Variants in EDN1 observed in about 807,000 individuals in gnomAD.
EDN1 encodes endothelin-1.
EDN1 carries 11 observed loss-of-function variants against 21.7 expected under a neutral mutation model. The ratio of observed to expected loss-of-function variants is 0.51; its 90% confidence interval spans 0.32 to 0.84. The LOEUF is 0.84. Ranked by LOEUF, EDN1 falls within the 40% of genes least tolerant of loss-of-function variation. The pLI, the probability that EDN1 is intolerant of heterozygous loss-of-function variation, is 0.03. For synonymous variants in EDN1, 85 were observed against 90.6 expected (o/e 0.94, Z 0.35); for missense variants, 244 against 262.3 (o/e 0.93, Z 0.48).
the EDN1 span, among the ~76,000 whole-genome samples, chr6:12,230,558 C>T: frequency 6.6e-6 from 1 of 152,016 alleles, no homozygotes; most frequent in East Asian, 1.9e-4. Flanking sequence ...AGTGAAACCA[C>T]CAACAAAAAG....
the EDN1 span, among the ~76,000 whole-genome samples, chr6:12,253,926 C>T: frequency 1.3e-5 from 2 of 152,100 alleles, no homozygotes; most frequent in Non-Finnish European, 2.9e-5. Context: ...CATCTCCTTC[C>T]CTTTGTGCTT....
the EDN1 span, among the ~76,000 whole-genome samples, chr6:12,243,310 G>A: frequency 1.3e-5 from 2 of 148,688 alleles, no homozygotes; most frequent in South Asian, 2.2e-4. Flanking sequence ...GAGGAGAGGA[G>A]GAGGAGGAGG....
the EDN1 span, among the ~76,000 whole-genome samples, chr6:12,277,184 C>A: frequency 1.3e-5 from 2 of 152,204 alleles, no homozygotes; most frequent in South Asian, 2.1e-4. Context: ...GGCTGGAAAC[C>A]AAGCATGAGG....
chr6:12,230,648 G>T, the EDN1 span, among the ~76,000 whole-genome samples: 1,165 of 152,250 alleles, frequency 7.7e-3, 16 homozygotes, highest in African/African-American at 0.027. Flanking sequence ...AAACGAGAAG[G>T]CCTAGTGTCA....
chr6:12,294,532 A>G, intron 4 of EDN1, 128 bp downstream of exon 4: 1 of 1,070,790 alleles, frequency 9.3e-7, no homozygotes, highest in Non-Finnish European at 1.4e-6. Flanking sequence ...AAACAGTAGC[A>G]GAGGAGATCT....
the EDN1 span, among the ~76,000 whole-genome samples, chr6:12,232,751 G>A: frequency 1.3e-5 from 2 of 152,142 alleles, no homozygotes; most frequent in Admixed American, 6.5e-5. Flanking sequence ...ATGAATTAGT[G>A]GTATAGTTTA....
the EDN1 span, among the ~76,000 whole-genome samples, chr6:12,276,484 G>A: frequency 8.5e-5 from 13 of 152,218 alleles, no homozygotes; most frequent in Admixed American, 8.5e-4. Context: ...CAATCTGAAA[G>A]GTGAGGCAGG....
At chr6:12,274,825 C>A in the EDN1 span, among the ~76,000 whole-genome samples, 1 of 152,200 alleles carries the variant, frequency 6.6e-6, no homozygotes, top group Non-Finnish European at 1.5e-5. Context: ...AGCCTTCTAA[C>A]TTCACTCTCA....
the EDN1 span, among the ~76,000 whole-genome samples, chr6:12,273,072 T>C: frequency 6.6e-6 from 1 of 152,154 alleles, no homozygotes; most frequent in Non-Finnish European, 1.5e-5. Flanking sequence ...GTGACGACTC[T>C]ACAGACTTGC....
chr6:12,292,518 C>G lies in EDN1; in HGVS notation c.233+9C>G, dbSNP rs775605721. 5.0e-6 allele frequency: 8 copies of G among 1,614,190 alleles called. No individual in the cohort carries two copies. The South Asian group carries it at 5.5e-5, about 11-fold the overall frequency. ...TGGGTCAACACTCCCGAGTAAGTCTCTAGAGGGCATTGTAACCCTAGTCAT... is the reference window on the plus strand; with the variant it reads ...TGGGTCAACACTCCCGAGTAAGTCTGTAGAGGGCATTGTAACCCTAGTCAT... On this transcript the variant is annotated intron_variant, in intron 2 of 4. Coordinates refer to ENST00000379375, the MANE Select transcript of EDN1 (RefSeq NM_001955.5).
chr6:12,261,287 T>G, the EDN1 span, among the ~76,000 whole-genome samples: 1 of 152,182 alleles, frequency 6.6e-6, no homozygotes, highest in East Asian at 1.9e-4. Flanking sequence ...ACCATGTGAT[T>G]CAAGCAAGTC....
the EDN1 span, among the ~76,000 whole-genome samples, chr6:12,261,846 G>A: frequency 2.0e-5 from 3 of 152,214 alleles, no homozygotes; most frequent in Non-Finnish European, 4.4e-5. Context: ...GTCAAAAGGG[G>A]AAGGATGTGT....
In EDN1 at chr6:12,295,949, CT is replaced by C; in HGVS notation, c.534-11del. On this transcript the variant is annotated splice_polypyrimidine_tract_variant and intron_variant, in intron 4 of 4. Coordinates refer to ENST00000379375, the MANE Select transcript of EDN1 (RefSeq NM_001955.5). ...TAAAATAACATTTGTTTTCTCTTAT[CT>C]TGCTTTATTAGGTCGGAGACCATGA... 6.2e-7 allele frequency: 1 copy of C among 1,612,368 alleles called. No homozygotes were observed. The highest frequency in any genetic ancestry group is 8.5e-7 in the Non-Finnish European group (1 of 1,178,598).
chr6:12,245,945 A>C, the EDN1 span, among the ~76,000 whole-genome samples: 7 of 152,220 alleles, frequency 4.6e-5, no homozygotes, highest in African/African-American at 1.7e-4. Context: ...AGGTAACAGA[A>C]TCTCCTCTGT....
At chr6:12,291,943 T>A (rs1762692341) in intron 1 of EDN1, among the ~76,000 whole-genome samples, 1 of 152,224 alleles carries the variant, frequency 6.6e-6, no homozygotes, top group Non-Finnish European at 1.5e-5. Context: ...TTGTCTTTAG[T>A]CATGTGCCAA....
chr6:12,287,773 C>T (rs772956740), upstream of EDN1, among the ~76,000 whole-genome samples: 1 of 151,224 alleles, frequency 6.6e-6, no homozygotes, highest in African/African-American at 2.4e-5. Context: ...CGCGCGCGCG[C>T]AGGCACACGT....
Position 12,294,108 on chromosome 6 carries a change from C to G in EDN1, c.389+12C>G. ...GGAAAAGAACTCAGGTGAGCAGAAA[C>G]ACCTTTGCTTTTCAATCAGTTTAAC... On this transcript the variant is annotated intron_variant, in intron 3 of 4. Transcript: ENST00000379375. The G allele has an allele frequency of 1.2e-6, 2 of 1,614,108 alleles. No homozygotes were observed. Among genetic ancestry groups the G allele is most frequent in the Non-Finnish European group, 1.7e-6 (2 of 1,180,040 alleles).
At chr6:12,235,701 A>G in the EDN1 span, among the ~76,000 whole-genome samples, 1 of 152,262 alleles carries the variant, frequency 6.6e-6, no homozygotes, top group South Asian at 2.1e-4. Context: ...GCTGTCCAAC[A>G]GAACTTTCCG....
At chr6:12,293,729 G>GA (rs1214504641) in intron 2 of EDN1, among the ~76,000 whole-genome samples, 1 of 152,222 alleles carries the variant, frequency 6.6e-6, no homozygotes, top group African/African-American at 2.4e-5. Context: ...CACTGAATTA[G>GA]AAAAACTTGT....
Sources: gnomAD v4.1 joint callset for allele counts (sites outside exome capture counted in the v4.1 genomes callset) on GRCh38, gnomAD v4.1.1 for gene constraint, MANE v1.5 for transcripts, NCBI Gene and HGNC (gene_info 2026-07-23, HGNC 2026-07-21) for gene names.